Variants in GAS2 observed in about 807,000 individuals in gnomAD.
GAS2 encodes growth arrest-specific protein 2.
Under a neutral mutation model 37.5 loss-of-function variants are expected in GAS2, and 20 were observed. That is an observed-to-expected ratio of 0.53 (90% confidence interval 0.37 to 0.77). The LOEUF is 0.77. Among genes scored for constraint, GAS2 ranks in the 30% least tolerant of loss-of-function variants. The probability of loss-of-function intolerance (pLI) is 0.00; values close to 1 mark genes in which losing one functional copy is unlikely to be tolerated. For missense variants in GAS2, 336 were observed against 373.4 expected (o/e 0.90, Z 0.82); for synonymous variants, 144 against 132.2 (o/e 1.09, Z -0.61).
chr11:22,641,055 T>C (rs905044354), intron 1 of GAS2, among the ~76,000 whole-genome samples: 6 of 151,560 alleles, frequency 4.0e-5, no homozygotes, highest in African/African-American at 1.5e-4. Flanking sequence ...ACTGACTGTT[T>C]GAGGCCTTGT....
At chr11:22,764,464 T>G (rs1854568525) in intron 7 of GAS2, among the ~76,000 whole-genome samples, 7 of 148,082 alleles carry the variant, frequency 4.7e-5, no homozygotes, top group African/African-American at 2.5e-5. Flanking sequence ...GGAGGCTGAG[T>G]CAGGAGAATG....
At chr11:22,651,014 T>C (rs1848768691) in intron 1 of GAS2, among the ~76,000 whole-genome samples, 1 of 152,198 alleles carries the variant, frequency 6.6e-6, no homozygotes, top group African/African-American at 2.4e-5. Context: ...TTCCTAGTCT[T>C]GTTGGTCTTT....
At chr11:22,800,103 G>A (rs567811571) in intron 7 of GAS2, among the ~76,000 whole-genome samples, 1 of 152,208 alleles carries the variant, frequency 6.6e-6, no homozygotes, top group South Asian at 2.1e-4. Context: ...CAGTTGTGCA[G>A]TGCACATCCT....
rs183350951 is a variant in GAS2 at position 22,709,669 on chromosome 11, C to A, written c.268-16623C>A. On this transcript the variant is annotated intron_variant, in intron 3 of 7. Coordinates refer to ENST00000454584, the MANE Select transcript of GAS2 (RefSeq NM_001143830.3). ...AGCCATCCCATTACTGGGTATATAC[C>A]CAAAGGACTATAAATCATGCTGCTA... Among the ~76,000 whole-genome samples, 1,028 of 152,116 alleles carry A rather than the reference C, an allele frequency of 6.8e-3. 9 individuals are homozygous for A. Among genetic ancestry groups the A allele is most frequent in the Non-Finnish European group, 0.011 (747 of 68,004 alleles).
intron 7 of GAS2, among the ~76,000 whole-genome samples, chr11:22,770,395 G>T (rs1474365573): frequency 6.6e-6 from 1 of 152,092 alleles, no homozygotes; most frequent in Non-Finnish European, 1.5e-5. Flanking sequence ...GGAAGCAAGG[G>T]GCCAACACAC....
chr11:22,688,175 C>T (rs1414068794), intron 3 of GAS2, among the ~76,000 whole-genome samples: 1 of 152,198 alleles, frequency 6.6e-6, no homozygotes, highest in East Asian at 1.9e-4. Flanking sequence ...CTGAGCCGTA[C>T]TTTCCTTATC....
chr11:22,646,840 C>G (rs1238560460), intron 1 of GAS2, among the ~76,000 whole-genome samples: 1 of 151,398 alleles, frequency 6.6e-6, no homozygotes, highest in East Asian at 1.9e-4. Context: ...ATCTTCCTTC[C>G]TTCTTTCTTT....
At chr11:22,674,566 G>A (rs1032681) in intron 1 of GAS2, among the ~76,000 whole-genome samples, 95,081 of 152,012 alleles carry the variant, frequency 0.63, 30,931 homozygotes, top group East Asian at 0.83. Flanking sequence ...GGAATTTCTT[G>A]CTTAGAAGCT....
At chr11:22,810,048 G>A (rs922931931) in intron 7 of GAS2, among the ~76,000 whole-genome samples, 3 of 152,170 alleles carry the variant, frequency 2.0e-5, no homozygotes, top group Admixed American at 2.0e-4. Flanking sequence ...TCTAGGTCCT[G>A]CTGCTCACTG....
At chr11:22,748,834 C>T (rs568925232) in intron 5 of GAS2, among the ~76,000 whole-genome samples, 36 of 152,142 alleles carry the variant, frequency 2.4e-4, no homozygotes, top group Non-Finnish European at 4.3e-4. Context: ...CATGGTTATT[C>T]ATGTTGCTGT....
In GAS2 at chr11:22,688,688, C is replaced by A. The variant is rs1850087957; in HGVS notation, c.267+2899C>A. ...GCAAGTTATTAAACTTGAAATAGTT[C>A]CGTGAACCTGAGCAAATTTTTAACT... On this transcript the variant is annotated intron_variant, in intron 3 of 7. Coordinates refer to ENST00000454584, the MANE Select transcript of GAS2 (RefSeq NM_001143830.3). 2.0e-5 allele frequency among the ~76,000 whole-genome samples: 3 copies of A among 152,130 alleles called. No homozygotes were observed. The South Asian group carries it at 6.2e-4, about 32-fold the overall frequency.
chr11:22,634,683 A>G (rs546126194), intron 1 of GAS2, among the ~76,000 whole-genome samples: 3 of 152,214 alleles, frequency 2.0e-5, no homozygotes, highest in Non-Finnish European at 4.4e-5. Flanking sequence ...TGGGGCTGCC[A>G]TTCTCCAGGA....
chr11:22,756,667 G>A (rs1362842061), intron 7 of GAS2, among the ~76,000 whole-genome samples: 1 of 152,032 alleles, frequency 6.6e-6, no homozygotes, highest in African/African-American at 2.4e-5. Context: ...CAAAAAGAAA[G>A]TTTAATCATA....
At chr11:22,748,611 T>G (rs548943498) in intron 5 of GAS2, among the ~76,000 whole-genome samples, 1 of 152,234 alleles carries the variant, frequency 6.6e-6, no homozygotes, top group African/African-American at 2.4e-5. Flanking sequence ...TAACCCATAG[T>G]ACAATGTTCT....
rs1442636789 is a variant in GAS2, at chr11:22,740,067, A to G, written c.473+2299A>G. 3.3e-5 allele frequency among the ~76,000 whole-genome samples: 5 copies of G among 152,302 alleles called. No homozygotes were observed. The East Asian group carries it at 7.7e-4, about 23-fold the overall frequency. On this transcript the variant is annotated intron_variant, in intron 5 of 7. Transcript: ENST00000454584. ...ATCAAAGAAGAAGACAAGCTGCCCA[A>G]TTAGAAAATGCCTTTAAGAATCACC...
At chr11:22,728,834 TAAG>T (rs1852337968) in intron 4 of GAS2, among the ~76,000 whole-genome samples, 1 of 151,184 alleles carries the variant, frequency 6.6e-6, no homozygotes, top group African/African-American at 2.4e-5. Flanking sequence ...GGAAGGACAA[TAAG>T]AAGTTCCATT....
At chr11:22,797,510 T>G (rs538855065) in intron 7 of GAS2, among the ~76,000 whole-genome samples, 69 of 152,150 alleles carry the variant, frequency 4.5e-4, no homozygotes, top group South Asian at 1.0e-3. Context: ...AAATAAAGAT[T>G]TGAGGATTAC....
At chr11:22,806,912 T>TA (rs1269328959) in intron 7 of GAS2, among the ~76,000 whole-genome samples, 2 of 152,166 alleles carry the variant, frequency 1.3e-5, no homozygotes, top group Non-Finnish European at 2.9e-5. Flanking sequence ...ATTCCACAAT[T>TA]ACTCCTCATC....
intron 7 of GAS2, among the ~76,000 whole-genome samples, chr11:22,776,194 G>A (rs1855246197): frequency 6.6e-6 from 1 of 152,148 alleles, no homozygotes; most frequent in African/African-American, 2.4e-5. Flanking sequence ...TTATGTTCTG[G>A]GAGTGGGAAG....
Sources: allele counts gnomAD v4.1 joint callset (sites outside exome capture counted in the v4.1 genomes callset), GRCh38; gene constraint gnomAD v4.1.1; transcripts MANE v1.5; gene names NCBI Gene and HGNC (gene_info 2026-07-23, HGNC 2026-07-21).